The following BCL2 variants were observed in gnomAD, a reference collection of about 807,000 sequenced individuals.
BCL2 encodes the protein BCL2 apoptosis regulator.
Under a neutral mutation model 14.2 loss-of-function variants are expected in BCL2, and 1 was observed. That is an observed-to-expected ratio of 0.07 (90% CI 0.02 to 0.33). BCL2 has a LOEUF of 0.33. BCL2 is among the 10% of genes least tolerant of loss of function. The pLI is 0.99. For missense variants in BCL2, 247 were observed against 305.9 expected (o/e 0.81, Z 1.44); for synonymous variants, 151 against 137.2 (o/e 1.10, Z -0.70).
rs148037100 is a variant in BCL2 at position 63,181,950 on chromosome 18, T to A, written c.586-53191A>T. On this transcript the variant is annotated intron_variant, in intron 2 of 2. Transcript: ENST00000333681. ...AGATGGGGCAGGCACATCGTCCTTT[T>A]GCTGGGGATCTCCAGGCACCTGCTG... Among the ~76,000 whole-genome samples, 324 of 152,304 alleles carry A rather than the reference T, an allele frequency of 2.1e-3. 1 individual carries two copies. Among genetic ancestry groups the A allele is most frequent in the African/African-American group, 7.2e-3 (300 of 41,564 alleles).
At position 63,149,843 on chromosome 18, in the gene BCL2, G is replaced by GCATT. The variant is rs1568216406; in HGVS notation, c.586-21088_586-21085dup. Among the ~76,000 whole-genome samples, 1 of 148,714 alleles carries GCATT rather than the reference G, an allele frequency of 6.7e-6. No individual in the cohort carries two copies. Among genetic ancestry groups the GCATT allele is most frequent in the African/African-American group, 2.5e-5 (1 of 39,818 alleles). On this transcript the variant is annotated intron_variant, in intron 2 of 2. Coordinates refer to ENST00000333681, the MANE Select transcript of BCL2 (RefSeq NM_000633.3). The surrounding 1 kb of genome is among the most constrained non-coding windows in gnomAD (Gnocchi z 4.2). ...ACAGAAAGGGTTCTCCTGACATGAG[G>GCATT]CATTTATTTATTTATTTATTTATTT... is the stretch of plus-strand genomic sequence containing the variant.
At chr18:63,203,560 G>A (rs1033643420) in intron 2 of BCL2, among the ~76,000 whole-genome samples, 1 of 152,168 alleles carries the variant, frequency 6.6e-6, no homozygotes, top group Non-Finnish European at 1.5e-5. Flanking sequence ...CTAGTAAGAT[G>A]CGATTAATGG....
intron 2 of BCL2, among the ~76,000 whole-genome samples, chr18:63,169,126 A>G (rs1915120389): frequency 6.6e-6 from 1 of 152,182 alleles, no homozygotes; most frequent in Non-Finnish European, 1.5e-5. Flanking sequence ...CAGGCACCTG[A>G]TCATCCCTGG....
Position 63,127,492 on chromosome 18 carries a change from C to T in BCL2, c.*1133G>A. 4.3e-6 allele frequency: 1 copy of T among 232,288 alleles called. No individual in the cohort carries two copies. Among genetic ancestry groups the T allele is most frequent in the Admixed American group, 5.6e-5 (1 of 17,736 alleles). The allele number at this position is 232,288 out of a possible 1,614,324, so 14.4% of individuals were successfully genotyped here. ...CAGGGTGACAGGCCCAGCCACACCC[C>T]TCTACTGCTCTTTCTTGACAGTGGA... On this transcript the variant is annotated 3_prime_UTR_variant, in exon 3 of 3. Coordinates refer to ENST00000333681, the MANE Select transcript of BCL2 (RefSeq NM_000633.3).
intron 2 of BCL2, among the ~76,000 whole-genome samples, chr18:63,306,101 CAAAA>C (rs1266413884): frequency 1.3e-5 from 2 of 151,928 alleles, no homozygotes; most frequent in Non-Finnish European, 2.9e-5. Context: ...AACAAACAAA[CAAAA>C]AACACAAAAA....
At chr18:63,196,149 G>A (rs1336897495) in intron 2 of BCL2, among the ~76,000 whole-genome samples, 2 of 152,136 alleles carry the variant, frequency 1.3e-5, no homozygotes, top group Non-Finnish European at 2.9e-5. Flanking sequence ...CAAGTTATCT[G>A]TATCCCTGTA....
chr18:63,136,463 G>A (rs747030957), intron 2 of BCL2, among the ~76,000 whole-genome samples: 1 of 152,172 alleles, frequency 6.6e-6, no homozygotes, highest in African/African-American at 2.4e-5. Context: ...TCATTCAACA[G>A]TAAATCCCAT....
At chr18:63,202,084 G>A (rs375443342) in intron 2 of BCL2, among the ~76,000 whole-genome samples, 23 of 152,116 alleles carry the variant, frequency 1.5e-4, no homozygotes, top group Non-Finnish European at 2.9e-4. Flanking sequence ...CGAAGCAGGC[G>A]GATCACTTGA....
rs891237134 is a variant in BCL2 at position 63,319,605 on chromosome 18, G to A, written c.-718C>T. The A allele has an allele frequency of 8.9e-6, 2 of 225,458 alleles. No homozygotes were observed. The highest frequency in any genetic ancestry group is 1.8e-5 in the Non-Finnish European group (2 of 113,194). The allele number at this position is 225,458 out of a possible 1,614,324, so 14.0% of individuals were successfully genotyped here. Reference sequence around the variant, plus strand: ...TCCCCAGGAGAGAGACAGGGGAGAGGGGACGATGAAGGAGCCGGGGACGGA... The same window carrying A: ...TCCCCAGGAGAGAGACAGGGGAGAGAGGACGATGAAGGAGCCGGGGACGGA... On this transcript the variant is annotated 5_prime_UTR_variant, in exon 1 of 3. Coordinates refer to ENST00000333681, the MANE Select transcript of BCL2 (RefSeq NM_000633.3).
chr18:63,179,501 T>C (rs541604592), intron 2 of BCL2, among the ~76,000 whole-genome samples: 20 of 152,300 alleles, frequency 1.3e-4, no homozygotes, highest in African/African-American at 4.1e-4. Context: ...CCATGTTTTC[T>C]CCTGGTGCTA....
Position 63,316,933 on chromosome 18 carries a change from T to A in BCL2, c.585+1149A>T, listed in dbSNP as rs1397797323. 5.4e-5 allele frequency: 6 copies of A among 110,470 alleles called. No individual in the cohort carries two copies. The East Asian group carries it at 1.4e-3, about 26-fold the overall frequency. The allele number at this position is 110,470 out of a possible 1,614,324, so 6.8% of individuals were successfully genotyped here. A position where few individuals can be genotyped will look rare whatever the true frequency, so the allele number is the denominator to read the frequency against. ...TAACTCTTCAGATTAAAACAAAAAG[T>A]GTAAAAAAAAAAAAAACTTCACACA... On this transcript the variant is annotated intron_variant, in intron 2 of 2. Coordinates refer to ENST00000333681, the MANE Select transcript of BCL2 (RefSeq NM_000633.3).
At chr18:63,279,762 T>C (rs1302199881) in intron 2 of BCL2, among the ~76,000 whole-genome samples, 1 of 152,184 alleles carries the variant, frequency 6.6e-6, no homozygotes, top group Non-Finnish European at 1.5e-5. Context: ...CTTCATGAAA[T>C]CTCACAAACG....
intron 2 of BCL2, among the ~76,000 whole-genome samples, chr18:63,131,618 GTAGGCTGAAACCCCCAA>G (rs1253596481): frequency 6.6e-6 from 1 of 152,194 alleles, no homozygotes; most frequent in East Asian, 1.9e-4. Flanking sequence ...TGAGGGATGG[GTAGGCTGAAACCCCCAA>G]TAGCCCAGCC....
chr18:63,244,963 G>A (rs1568245123), intron 2 of BCL2, among the ~76,000 whole-genome samples: 1 of 152,084 alleles, frequency 6.6e-6, no homozygotes. Flanking sequence ...CCTTCCTTAA[G>A]TTCTCACTGC....
At chr18:63,240,591 G>A (rs928006571) in intron 2 of BCL2, among the ~76,000 whole-genome samples, 1 of 152,162 alleles carries the variant, frequency 6.6e-6, no homozygotes, top group Non-Finnish European at 1.5e-5. Context: ...ATTCCATGAA[G>A]GAAATTAGCC....
rs370925076 is a variant in BCL2 at position 63,255,845 on chromosome 18, A to G, written c.585+62237T>C. Among the ~76,000 whole-genome samples, 3 of 151,752 alleles carry G rather than the reference A, an allele frequency of 2.0e-5. No homozygotes were observed. The East Asian group carries it at 5.8e-4, about 29-fold the overall frequency. The stretch of plus-strand genomic sequence containing the variant: ...GCAGCCCTCCCCCCCCGCCACACAC[A>G]CAAACATTTCTTACCAAAAAAAAAA... On this transcript the variant is annotated intron_variant, in intron 2 of 2. Transcript: ENST00000333681.
intron 2 of BCL2, among the ~76,000 whole-genome samples, chr18:63,164,287 C>T (rs1280323947): frequency 6.6e-6 from 1 of 152,198 alleles, no homozygotes; most frequent in Non-Finnish European, 1.5e-5. Context: ...AGAGAATCTT[C>T]CCAAATCCTA....
chr18:63,169,491 C>T (rs1434495747), intron 2 of BCL2, among the ~76,000 whole-genome samples: 1 of 139,946 alleles, frequency 7.1e-6, no homozygotes, highest in Admixed American at 7.2e-5. Context: ...TCCCTCCCTC[C>T]CTCCTCTCTT....
chr18:63,224,797 CAGCAGACCAAG>C (rs1339395922), intron 2 of BCL2, among the ~76,000 whole-genome samples: 1 of 152,170 alleles, frequency 6.6e-6, no homozygotes, highest in Non-Finnish European at 1.5e-5. Flanking sequence ...CAGACAGGGC[CAGCAGACCAAG>C]AGCAAGGCAT....
Sources: allele counts gnomAD v4.1 joint callset (sites outside exome capture counted in the v4.1 genomes callset), GRCh38; gene constraint gnomAD v4.1.1; non-coding constraint Gnocchi (gnomAD v3.1); transcripts MANE v1.5; gene names NCBI Gene and HGNC (gene_info 2026-07-23, HGNC 2026-07-21).